TRPS1: variants seen among roughly 807,000 people sequenced by gnomAD.
The protein encoded by TRPS1 is zinc finger transcription factor Trps1.
A neutral mutation model predicts 101.2 loss-of-function variants in TRPS1; 6 were observed. The ratio of observed to expected loss-of-function variants is 0.06; its 90% CI spans 0.03 to 0.12. The LOEUF (loss-of-function observed/expected upper bound fraction) is 0.12. TRPS1 is among the 10% of genes least tolerant of loss of function. TRPS1 has a pLI of 1.00. For missense variants in TRPS1, 1,363 were observed against 1,567.0 expected (o/e 0.87, Z 2.20); for synonymous variants, 578 against 589.8 (o/e 0.98, Z 0.29).
intron 1 of TRPS1, among the ~76,000 whole-genome samples, chr8:115,638,270 C>A (rs769504212): frequency 1.3e-5 from 2 of 151,600 alleles, no homozygotes; most frequent in Admixed American, 1.3e-4. Flanking sequence ...GACTTGCCAT[C>A]CAGACAGAGT....
In TRPS1 at chr8:115,463,692, C is replaced by T. The variant is rs567567916; in HGVS notation, c.2701-45240G>A. On this transcript the variant is annotated intron_variant, in intron 5 of 6. Coordinates refer to ENST00000395715, the MANE Select transcript of TRPS1 (RefSeq NM_014112.5). ...TTGATTTCAGCTCTCAAGTATTCAA[C>T]AATTTTTAATTTTAAAACAAATTTA... is the stretch of plus-strand genomic sequence containing the variant. 3.9e-5 allele frequency among the ~76,000 whole-genome samples: 6 copies of T among 152,076 alleles called. No individual in the cohort carries two copies. In the South Asian group the frequency reaches 1.0e-3, roughly 26 times the overall value.
At chr8:115,421,800 C>A (rs1254924130) in intron 5 of TRPS1, among the ~76,000 whole-genome samples, 4 of 152,136 alleles carry the variant, frequency 2.6e-5, no homozygotes, top group African/African-American at 4.8e-5. Flanking sequence ...CAGATGCGAG[C>A]CCTGACCTGG....
At chr8:115,509,265 C>G (rs1478835851) in intron 5 of TRPS1, among the ~76,000 whole-genome samples, 1 of 151,970 alleles carries the variant, frequency 6.6e-6, no homozygotes, top group Non-Finnish European at 1.5e-5. Context: ...CCAGGCAAAG[C>G]TGGGAATCAC....
chr8:115,496,817 G>GCAGTTTTC (rs1366109065), intron 5 of TRPS1, among the ~76,000 whole-genome samples: 6 of 152,086 alleles, frequency 3.9e-5, no homozygotes, highest in African/African-American at 1.4e-4. Flanking sequence ...ACAACAGTTA[G>GCAGTTTTC]CAGTTTTCTA....
chr8:115,540,088 C>G (rs899252182), intron 5 of TRPS1, among the ~76,000 whole-genome samples: 4 of 152,160 alleles, frequency 2.6e-5, no homozygotes, highest in Admixed American at 2.6e-4. Context: ...TTTTCTCATT[C>G]CTTAGAATTT....
intron 5 of TRPS1, among the ~76,000 whole-genome samples, chr8:115,470,589 T>G (rs558029763): frequency 2.1e-4 from 32 of 152,298 alleles, no homozygotes; most frequent in African/African-American, 7.7e-4. Context: ...GTCAATACAG[T>G]TTTATTAAAG....
intron 5 of TRPS1, among the ~76,000 whole-genome samples, chr8:115,479,583 T>C (rs986475438): frequency 6.6e-6 from 1 of 152,168 alleles, no homozygotes; most frequent in Non-Finnish European, 1.5e-5. Context: ...GATAATTTCT[T>C]AAGGCATTTG....
chr8:115,428,219 G>A (rs560184699), intron 5 of TRPS1, among the ~76,000 whole-genome samples: 22 of 152,102 alleles, frequency 1.4e-4, no homozygotes, highest in African/African-American at 5.3e-4. Flanking sequence ...TGAAAGGTGA[G>A]GTTATTTTAC....
chr8:115,489,581 GATC>G (rs1488500117), intron 5 of TRPS1, among the ~76,000 whole-genome samples: 1 of 152,056 alleles, frequency 6.6e-6, no homozygotes, highest in Non-Finnish European at 1.5e-5. Flanking sequence ...TGTATCAAAA[GATC>G]ATGAATTATA....
intron 5 of TRPS1, among the ~76,000 whole-genome samples, chr8:115,458,941 G>C (rs1314172521): frequency 6.6e-6 from 1 of 152,166 alleles, no homozygotes; most frequent in Non-Finnish European, 1.5e-5. Context: ...ATCACTCATT[G>C]CATATATGAT....
intron 5 of TRPS1, among the ~76,000 whole-genome samples, chr8:115,436,882 C>T (rs1813466804): frequency 6.7e-6 from 1 of 150,020 alleles, no homozygotes; most frequent in African/African-American, 2.5e-5. Context: ...AGTGTAGATT[C>T]TTAAGACAAA....
At chr8:115,441,866 T>TGAGAGAGAGA (rs56875076) in intron 5 of TRPS1, among the ~76,000 whole-genome samples, 4 of 139,604 alleles carry the variant, frequency 2.9e-5, no homozygotes, top group African/African-American at 1.1e-4. Flanking sequence ...CAATTGAGAG[T>TGAGAGAGAGA]GAGAGAGAGA....
intron 1 of TRPS1, among the ~76,000 whole-genome samples, chr8:115,637,770 A>G (rs1818803509): frequency 6.6e-6 from 1 of 152,196 alleles, no homozygotes; most frequent in African/African-American, 2.4e-5. Flanking sequence ...GAAGTTACTC[A>G]TGTTTGCTGA....
At chr8:115,657,021 G>A (rs1811691403) in intron 1 of TRPS1, among the ~76,000 whole-genome samples, 1 of 152,100 alleles carries the variant, frequency 6.6e-6, no homozygotes, top group Admixed American at 6.6e-5. Flanking sequence ...CAAGGTGTCA[G>A]TTTGGAAATA....
chr8:115,462,761 G>C lies in TRPS1; in HGVS notation c.2701-44309C>G, dbSNP rs189087632. On this transcript the variant is annotated intron_variant, in intron 5 of 6. Transcript: ENST00000395715. ...TATTTTGTTGCAGTCCTATAGTGTG[G>C]GTATTTAAAGAATAAGGCCAGGCAA... 7.0e-4 allele frequency among the ~76,000 whole-genome samples: 106 copies of C among 151,466 alleles called. 2 individuals carry two copies. The highest frequency in any genetic ancestry group is 2.5e-3 in the African/African-American group (104 of 41,266).
chr8:115,549,849 C>G (rs1205961255), intron 5 of TRPS1, among the ~76,000 whole-genome samples: 3 of 152,074 alleles, frequency 2.0e-5, no homozygotes, highest in Non-Finnish European at 4.4e-5. Flanking sequence ...CAATGCTGTC[C>G]TAGTAACCCT....
chr8:115,436,330 G>A (rs946797348), intron 5 of TRPS1, among the ~76,000 whole-genome samples: 7 of 152,006 alleles, frequency 4.6e-5, no homozygotes, highest in Admixed American at 1.3e-4. Context: ...AGACAGGCCC[G>A]GATGGTAAAA....
chr8:115,469,720 G>C (rs2130009002), intron 5 of TRPS1, among the ~76,000 whole-genome samples: 1 of 152,120 alleles, frequency 6.6e-6, no homozygotes, highest in East Asian at 1.9e-4. Context: ...GTAGAGACGG[G>C]GTTTCACCAT....
At chr8:115,667,838 A>AGACCCTCCC (rs373528767) in intron 1 of TRPS1, 6 of 1,535,170 alleles carry the variant, frequency 3.9e-6, no homozygotes, top group Middle Eastern at 1.7e-4. Flanking sequence ...CCCGTCTCTG[A>AGACCCTCCC]GACCCTCCCG....
Sources: allele counts gnomAD v4.1 joint callset (sites outside exome capture counted in the v4.1 genomes callset), GRCh38; gene constraint gnomAD v4.1.1; transcripts MANE v1.5; gene names NCBI Gene and HGNC (gene_info 2026-07-23, HGNC 2026-07-21).